The following FMO4 variants were observed in gnomAD, a reference collection of about 807,000 sequenced individuals.
FMO4 encodes the protein dimethylaniline monooxygenase [N-oxide-forming] 4.
In FMO4, 38 loss-of-function variants were observed where a neutral mutation model predicts 43.3. The observed-to-expected ratio is 0.88, with a 90% CI of 0.68 to 1.15. The LOEUF is 1.15. Among genes scored for constraint, FMO4 ranks in the 50% most tolerant of loss-of-function variants. FMO4 has a pLI of 0.00. For synonymous variants in FMO4, 224 were observed against 232.2 expected (o/e 0.96, Z 0.32); for missense variants, 631 against 663.3 (o/e 0.95, Z 0.54).
chr1:171,335,506 G>A (rs1663083712), intron 8 of FMO4, among the ~76,000 whole-genome samples: 1 of 152,156 alleles, frequency 6.6e-6, no homozygotes, highest in Non-Finnish European at 1.5e-5. Context: ...TAGTTTTAAA[G>A]AACTGCAGTT....
In FMO4 at chr1:171,324,326, GC is replaced by G. The variant is rs527972893; in HGVS notation, c.484+28del. 1,164 of 1,574,192 alleles carry G rather than the reference GC, an allele frequency of 7.4e-4. 6 individuals carry two copies. In the African/African-American group the frequency reaches 0.013, roughly 18 times the overall value. On this transcript the variant is annotated intron_variant, in intron 5 of 9. Transcript: ENST00000367749. ...GTGAGTCATTTCTACCTGAGACCAT[GC>G]CTATGCTTCTGGGTTCTTCTAGAAG...
rs932956295 is a variant in FMO4, at chr1:171,314,194, T to C, written c.-370T>C. 1.3e-5 allele frequency: 2 copies of C among 152,182 alleles called. No individual in the cohort carries two copies. Among genetic ancestry groups the C allele is most frequent in the Non-Finnish European group, 2.9e-5 (2 of 68,028 alleles). The allele number at this position is 152,182 out of a possible 1,614,324, so 9.4% of individuals were successfully genotyped here. The stretch of plus-strand genomic sequence containing the variant: ...CACGCTTGCCTCTTACACAACTTTT[T>C]TTCCTTAGTCTGTATACTTTCTGCT... On this transcript the variant is annotated 5_prime_UTR_variant, in exon 1 of 10. Coordinates refer to ENST00000367749, the MANE Select transcript of FMO4 (RefSeq NM_002022.3).
At chr1:171,336,514 C>T (rs1663122340) in intron 8 of FMO4, among the ~76,000 whole-genome samples, 1 of 152,156 alleles carries the variant, frequency 6.6e-6, no homozygotes, top group Admixed American at 6.6e-5. Flanking sequence ...CAGACAGAGC[C>T]TGGGTGAGAC....
rs188314238 is a variant in FMO4 at position 171,332,241 on chromosome 1, C to T, written c.627+459C>T. 4.3e-3 allele frequency among the ~76,000 whole-genome samples: 662 copies of T among 152,226 alleles called. 5 individuals are homozygous for T. Among genetic ancestry groups the T allele is most frequent in the Non-Finnish European group, 4.5e-3 (305 of 68,018 alleles). On this transcript the variant is annotated intron_variant, in intron 6 of 9. Transcript: ENST00000367749. ...TGTTTTGAGATGAAAGCAACTCTTG[C>T]ACAACAAGTATACATAATGGTTTTA...
intron 3 of FMO4, among the ~76,000 whole-genome samples, chr1:171,320,863 G>T (rs1288933163): frequency 6.6e-6 from 1 of 152,086 alleles, no homozygotes; most frequent in Non-Finnish European, 1.5e-5. Flanking sequence ...AGCTAGGCAG[G>T]CCCAAGTACT....
intron 1 of FMO4, among the ~76,000 whole-genome samples, chr1:171,315,578 G>T (rs755880122): frequency 1.2e-4 from 19 of 152,046 alleles, no homozygotes; most frequent in Non-Finnish European, 2.5e-4. Flanking sequence ...TTGTGTCCAG[G>T]GTTACAAGCT....
At chr1:171,321,854 C>T (rs934221768) in intron 3 of FMO4, among the ~76,000 whole-genome samples, 5 of 152,102 alleles carry the variant, frequency 3.3e-5, no homozygotes, top group East Asian at 1.9e-4. Context: ...TCATCAAGTT[C>T]GTGGTAGAAG....
At chr1:171,317,606 T>C (rs577489667) in intron 2 of FMO4, among the ~76,000 whole-genome samples, 52 of 152,200 alleles carry the variant, frequency 3.4e-4, no homozygotes, top group Non-Finnish European at 7.5e-4. Flanking sequence ...TAAAAACTGG[T>C]CCTATATCTC....
In FMO4 at chr1:171,331,674, T is replaced by C; in HGVS notation, c.519T>C (p.Ser173=). The change falls in exon 6 of 10, where the codon AGT becomes AGC. Residue 173 remains serine, a synonymous_variant. Transcript: ENST00000367749. The stretch of plus-strand genomic sequence containing the variant: ...AGTTTAAAGGTCAGATCCTGCATAG[T>C]CAAGAGTACAAGATCCCAGAAGGCT... ...IHKFKGQILH[S]QEYKIPEGFQ... The C allele has an allele frequency of 1.9e-6, 3 of 1,613,946 alleles. No individual in the cohort carries two copies. The highest frequency in any genetic ancestry group is 2.5e-6 in the Non-Finnish European group (3 of 1,179,876).
chr1:171,330,766 C>A (rs1477065317), intron 5 of FMO4, among the ~76,000 whole-genome samples: 1 of 152,128 alleles, frequency 6.6e-6, no homozygotes, highest in Non-Finnish European at 1.5e-5. Context: ...CAAACCACAT[C>A]AGTCTTTTAT....
rs1271013775 is a variant in FMO4, at chr1:171,341,557, A to ATGTACTCCT, written c.1397_1405dup (p.Cys466_Pro468dup). ...TAGCTTGGGAAGTTTTCTTTGGACC[A>ATGTACTCCT]TGTACTCCTTATCAGTACCGCCTCA... On this transcript the variant is annotated inframe_insertion, in exon 10 of 10. Transcript: ENST00000367749. 18 of 1,614,070 alleles carry ATGTACTCCT rather than the reference A, an allele frequency of 1.1e-5. No homozygotes were observed. Among genetic ancestry groups the ATGTACTCCT allele is most frequent in the Non-Finnish European group, 1.5e-5 (18 of 1,179,984 alleles).
At position 171,323,025 on chromosome 1, in the gene FMO4, A is replaced by T. The variant is rs1257488704; in HGVS notation, c.154A>T (p.Thr52Ser). The T allele has an allele frequency of 6.2e-7, 1 of 1,613,074 alleles. No individual in the cohort carries two copies. Among genetic ancestry groups the T allele is most frequent in the African/African-American group, 1.3e-5 (1 of 74,904 alleles). ...KFTESSKDGM[T>S]RVYKSLVTNV... Reference sequence around the variant, plus strand: ...ACAGGAATCTTCCAAAGATGGGATGACCAGGGTCTATAAGTCATTAGTGAC... The same window carrying T: ...ACAGGAATCTTCCAAAGATGGGATGTCCAGGGTCTATAAGTCATTAGTGAC... Residue 52 changes from threonine to serine, a missense_variant, in exon 4 of 10, where the codon ACC becomes TCC. Coordinates refer to ENST00000367749, the MANE Select transcript of FMO4 (RefSeq NM_002022.3).
Position 171,331,835 on chromosome 1 carries a change from G to A in FMO4, c.627+53G>A, listed in dbSNP as rs956672420. On this transcript the variant is annotated intron_variant, in intron 6 of 9. Transcript: ENST00000367749. ...AATCCCATCATCAGTTATGATGGCTGGAAAGAGATATTCAAAACTATGAAG... is the reference window on the plus strand; with the variant it reads ...AATCCCATCATCAGTTATGATGGCTAGAAAGAGATATTCAAAACTATGAAG... The A allele has an allele frequency of 4.1e-5, 63 of 1,527,230 alleles. No individual in the cohort carries two copies. In the East Asian group the frequency reaches 9.9e-4, roughly 24 times the overall value. 94.6% of individuals were successfully genotyped at this position (1,527,230 alleles called of 1,614,324 possible).
In FMO4 at chr1:171,334,514, G is replaced by A. The variant is rs1215691181; in HGVS notation, c.931G>A (p.Val311Ile). The change falls in exon 8 of 10, where the codon GTC becomes ATC. Residue 311 changes from valine to isoleucine, a missense_variant. Physicochemically the swap from Val to Ile is conservative, Grantham distance 29. Transcript: ENST00000367749. ...GATTGAATTTACAGAAACCTCTGCT[G>A]TCTTTGAAGATGGGACAGTGGAAGA... The part of the protein sequence containing the change: ...SVIEFTETSA[V>I]FEDGTVEENI... 2.5e-6 allele frequency: 4 copies of A among 1,613,804 alleles called. No individual in the cohort carries two copies. The highest frequency in any genetic ancestry group is 2.2e-5 in the East Asian group (1 of 44,860).
chr1:171,341,739 C>G lies in FMO4; in HGVS notation c.1577C>G (p.Ser526Cys). 6.2e-7 allele frequency: 1 copy of G among 1,613,784 alleles called. No homozygotes were observed. The highest frequency in any genetic ancestry group is 1.1e-5 in the South Asian group (1 of 91,064). The change falls in exon 10 of 10, where the codon TCT becomes TGT. Residue 526 changes from serine (S) to cysteine (C), a missense_variant. By Grantham distance (112) the Ser-to-Cys change is moderately radical. Transcript: ENST00000367749. Reference sequence around the variant, plus strand: ...TGGGGGGCACCTGTCCTACTTGCCTCTCTTCTACTTATCTGTAAATCTTCA... The same window carrying G: ...TGGGGGGCACCTGTCCTACTTGCCTGTCTTCTACTTATCTGTAAATCTTCA... ...KAWGAPVLLA[S>C]LLLICKSSLF...
rs143944964 is a variant in FMO4 at position 171,329,005 on chromosome 1, T to A, written c.485-2635T>A. On this transcript the variant is annotated intron_variant, in intron 5 of 9. Coordinates refer to ENST00000367749, the MANE Select transcript of FMO4 (RefSeq NM_002022.3). ...GTGCAACTGTATGTAATGTAAAAGC[T>A]TCTCCCTCCACCGTCTGGCACCTGC... Among the ~76,000 whole-genome samples, 3 of 152,328 alleles carry A rather than the reference T, an allele frequency of 2.0e-5. No homozygotes were observed. In the East Asian group the frequency reaches 5.8e-4, roughly 29 times the overall value.
rs74607987 is a variant in FMO4, at chr1:171,341,423, A to C, written c.1261A>C (p.Lys421Gln). 2.0e-4 allele frequency: 315 copies of C among 1,613,334 alleles called. No individual in the cohort carries two copies. In the African/African-American group the frequency reaches 3.9e-3, roughly 20 times the overall value. Residue 421 changes from lysine (K) to glutamine (Q), a missense_variant, in exon 10 of 10, where the codon AAA (lysine) becomes CAA (glutamine). Transcript: ENST00000367749. ...KEQLIKRGVF[K>Q]DTSKDKFDYI... ...CTTTTTTCCTCTCAGGGGAGTGTTT[A>C]AAGACACCAGCAAAGACAAATTTGA... is the stretch of plus-strand genomic sequence containing the variant.
intron 3 of FMO4, among the ~76,000 whole-genome samples, chr1:171,320,588 G>A (rs191153885): frequency 5.6e-4 from 85 of 152,322 alleles, no homozygotes; most frequent in African/African-American, 1.8e-3. Flanking sequence ...AGTGGGGATG[G>A]AAGTGGTTAA....
At chr1:171,326,454 A>G (rs895315716) in intron 5 of FMO4, among the ~76,000 whole-genome samples, 1 of 152,256 alleles carries the variant, frequency 6.6e-6, no homozygotes, top group Admixed American at 6.5e-5. Context: ...ATACAATTTT[A>G]AAGAGTTACC....
Sources: allele counts gnomAD v4.1 joint callset (sites outside exome capture counted in the v4.1 genomes callset), GRCh38; gene constraint gnomAD v4.1.1; transcripts MANE v1.5; gene names NCBI Gene and HGNC (gene_info 2026-07-23, HGNC 2026-07-21).